The following LARGE2 variants were observed in gnomAD, a reference collection of about 807,000 sequenced individuals.
The protein encoded by LARGE2 is LARGE xylosyl- and glucuronyltransferase 2.
In LARGE2, 63 loss-of-function variants were observed where a neutral mutation model predicts 75.3. The observed-to-expected ratio is 0.84, with a 90% CI of 0.68 to 1.03. The LOEUF (loss-of-function observed/expected upper bound fraction) is 1.03. LARGE2 is among the 50% of genes least tolerant of loss of function. The probability of loss-of-function intolerance (pLI) is 0.00; values close to 1 mark genes in which losing one functional copy is unlikely to be tolerated. For missense variants in LARGE2, 925 were observed against 980.6 expected, an observed-to-expected ratio of 0.94 and a Z score of 0.76; for synonymous variants, 428 against 420.1, an observed-to-expected ratio of 1.02 and a Z score of -0.23.
At chr11:45,928,476 A>T in intron 13 of LARGE2, 104 bp downstream of exon 13, 1 of 1,530,916 alleles carries the variant, frequency 6.5e-7, no homozygotes, top group Admixed American at 1.9e-5. Flanking sequence ...CAACACTGTT[A>T]GAAATGTCCC....
rs911943492 is a variant in LARGE2 at position 45,923,424 on chromosome 11, C to A, written c.286-49C>A. 3.3e-6 allele frequency: 5 copies of A among 1,521,720 alleles called. No individual in the cohort carries two copies. In the South Asian group the frequency reaches 4.6e-5, roughly 14 times the overall value. 94.3% of individuals were successfully genotyped at this position (1,521,720 alleles called of 1,614,324 possible). A position where few individuals can be genotyped will look rare whatever the true frequency, so the allele number is the denominator to read the frequency against. ...GGGGCAGCTCAACATGGGTCCTCAC[C>A]GCCTAGCGGAGAAGGGGGGCTGCTG... On this transcript the variant is annotated intron_variant, in intron 2 of 13. Transcript: ENST00000401752.
At position 45,926,243 on chromosome 11, in the gene LARGE2, A is replaced by G. The variant is rs577315614; in HGVS notation, c.904A>G (p.Lys302Glu). ...ADQDIFNAVI[K>E]EHPGLVQRLP... ...TCAGGACATCTTCAACGCTGTGATC[A>G]AGGAGCACCCGGGGCTAGTGCAGCG... Residue 302 changes from lysine to glutamate, a missense_variant, in exon 8 of 14, where the codon AAG becomes GAG. Lys to Glu is a moderately conservative substitution (Grantham distance 56). Transcript: ENST00000401752. 1.2e-6 allele frequency: 2 copies of G among 1,614,168 alleles called. No homozygotes were observed. Among genetic ancestry groups the G allele is most frequent in the Admixed American group, 3.3e-5 (2 of 60,026 alleles).
rs749912976 is a variant in LARGE2, at chr11:45,926,791, G to A, written c.1245G>A (p.Val415=). 6.2e-7 allele frequency: 1 copy of A among 1,613,590 alleles called. No individual in the cohort carries two copies. The highest frequency in any genetic ancestry group is 8.5e-7 in the Non-Finnish European group (1 of 1,180,010). The change falls in exon 10 of 14, where the codon GTG becomes GTA. Residue 415 remains valine, a synonymous_variant. Transcript: ENST00000401752. The part of the protein sequence containing the change: ...FRQQQLTVHR[V]HVTFLPHEPP... ...AGCAGCAGCTCACTGTGCACCGTGT[G>A]CATGTCACTTTCCTGCCCCATGAAC...
rs1348739446 is a variant in LARGE2 at position 45,928,345 on chromosome 11, G to A, written c.1923G>A (p.Val641=). Residue 641 remains valine, a synonymous_variant, in exon 13 of 14, where the codon GTG becomes GTA. Transcript: ENST00000401752. ...TTGTGGGCTTCGGCTGGAACAAAGT[G>A]GCCCACATTGTGGAGCTGGATGCCC... is the stretch of plus-strand genomic sequence containing the variant. ...PRFVGFGWNK[V]AHIVELDAQE... The A allele has an allele frequency of 4.3e-6, 7 of 1,613,998 alleles. No individual in the cohort carries two copies. The highest frequency in any genetic ancestry group is 1.7e-5 in the Admixed American group (1 of 60,018).
At chr11:45,924,920 G>T in intron 6 of LARGE2, 31 bp downstream of exon 6, 1 of 1,379,392 alleles carries the variant, frequency 7.2e-7, no homozygotes, top group South Asian at 1.5e-5. Flanking sequence ...AGGCAGGCGG[G>T]GTGGTCTGCT....
rs1003946628 is a variant in LARGE2, at chr11:45,923,000, G to A, written c.118G>A (p.Gly40Arg). The A allele has an allele frequency of 4.5e-6, 6 of 1,347,568 alleles. No homozygotes were observed. In the East Asian group the frequency reaches 9.3e-5, roughly 21 times the overall value. The allele number at this position is 1,347,568 out of a possible 1,614,324, so 83.5% of individuals were successfully genotyped here. The change falls in exon 2 of 14, where the codon GGG (glycine) becomes AGG (arginine). Residue 40 changes from glycine to arginine, a missense_variant. Physicochemically the swap from Gly to Arg is moderately radical, Grantham distance 125 (BLOSUM62 -2). Coordinates refer to ENST00000401752, the MANE Select transcript of LARGE2 (RefSeq NM_001300721.2). ...GGGGTGTGAGCGCCGCGAGCCTGGCGGGCGAGCGGGGGCCCCGGGATGCTT... is the reference window on the plus strand; with the variant it reads ...GGGGTGTGAGCGCCGCGAGCCTGGCAGGCGAGCGGGGGCCCCGGGATGCTT... ...DLGCERREPG[G>R]RAGAPGCFPG...
At chr11:45,924,451 C>A in intron 4 of LARGE2, 55 bp from the exon 5 acceptor site, 1 of 1,591,522 alleles carries the variant, frequency 6.3e-7, no homozygotes, top group Non-Finnish European at 8.6e-7. Flanking sequence ...AGCATGTGTT[C>A]TGGTGCTCAT....
intron 10 of LARGE2, among the ~76,000 whole-genome samples, 162 bp from the exon 11 acceptor site, chr11:45,927,153 T>C (rs2087189018): frequency 6.6e-6 from 1 of 151,630 alleles, no homozygotes. Context: ...CTGGTGGGGG[T>C]AGTTGTGAAG....
intron 10 of LARGE2, 136 bp downstream of exon 10, chr11:45,927,007 A>G: frequency 2.0e-6 from 2 of 989,330 alleles, no homozygotes; most frequent in Non-Finnish European, 2.9e-6. Context: ...AGTTGGAGAC[A>G]TTGGATATGG....
In LARGE2 at chr11:45,924,661, CTT is replaced by C; in HGVS notation, c.650_651del (p.Phe217CysfsTer5). On this transcript the variant is annotated frameshift_variant, in exon 5 of 14. Coordinates refer to ENST00000401752, the MANE Select transcript of LARGE2 (RefSeq NM_001300721.2). LOFTEE classifies it high-confidence loss of function. ...ASDISELWAL[F>X]AHFSDTQAIG... is the part of the protein sequence containing the mutation. ...CTGACATCTCGGAGCTCTGGGCCCT[CTT>C]TGCTCACTTTTCTGGTGAGAGGCCT... 1 of 1,612,568 alleles carries C rather than the reference CTT, an allele frequency of 6.2e-7. No homozygotes were observed.
chr11:45,927,944 G>T lies in LARGE2; in HGVS notation c.1629G>T (p.Leu543=), dbSNP rs771205779. Residue 543 remains leucine (L), a synonymous_variant, in exon 12 of 14, where the codon CTG becomes CTT. Coordinates refer to ENST00000401752, the MANE Select transcript of LARGE2 (RefSeq NM_001300721.2). ...YLRASIEQLG[L]GSRRKAALVV... ...GGGCCTCCATTGAGCAGCTGGGGCT[G>T]GGCAGCCGGCGCAAGGCAGCACTGG... 6.2e-7 allele frequency: 1 copy of T among 1,613,478 alleles called. No individual in the cohort carries two copies.
chr11:45,922,026 T>C (rs1273029206), upstream of LARGE2, among the ~76,000 whole-genome samples: 31 of 152,000 alleles, frequency 2.0e-4, no homozygotes, highest in Admixed American at 1.9e-3. Flanking sequence ...CACGACGATC[T>C]GGACAAGAGT....
At chr11:45,923,283 C>G in intron 2 of LARGE2, 116 bp downstream of exon 2, 1 of 1,217,674 alleles carries the variant, frequency 8.2e-7, no homozygotes, top group Non-Finnish European at 1.1e-6. Flanking sequence ...GGCCAGCCGG[C>G]TGGGGCGCAC....
intron 5 of LARGE2, 34 bp from the exon 6 acceptor site, chr11:45,924,751 C>T: frequency 2.0e-6 from 3 of 1,522,720 alleles, no homozygotes; most frequent in Non-Finnish European, 2.7e-6. Context: ...CCTGTGGCAG[C>T]TTCAGACAGC....
Position 45,926,520 on chromosome 11 carries a change from T to C in LARGE2, c.1087T>C (p.Phe363Leu). Residue 363 changes from phenylalanine (F) to leucine (L), a missense_variant, in exon 9 of 14, where the codon TTC becomes CTC. By Grantham distance (22) the Phe-to-Leu change is conservative (BLOSUM62 0). Coordinates refer to ENST00000401752, the MANE Select transcript of LARGE2 (RefSeq NM_001300721.2). ...ATTCTTCCGCAATTTCTACCTGACC[T>C]TCCTGGAGTACGATGGGAACCTGCT... ...VEFFRNFYLT[F>L]LEYDGNLLRR... The C allele has an allele frequency of 6.2e-7, 1 of 1,614,178 alleles. No homozygotes were observed. The highest frequency in any genetic ancestry group is 8.5e-7 in the Non-Finnish European group (1 of 1,180,034).
intron 3 of LARGE2, 74 bp from the exon 4 acceptor site, chr11:45,924,080 G>A (rs905614065): frequency 1.3e-6 from 2 of 1,519,746 alleles, no homozygotes; most frequent in Admixed American, 1.9e-5. Context: ...CCATCTCTGC[G>A]CCCCTCGGGG....
intron 10 of LARGE2, 117 bp from the exon 11 acceptor site, chr11:45,927,198 G>T: frequency 1.8e-6 from 2 of 1,141,996 alleles, no homozygotes; most frequent in South Asian, 3.0e-5. Context: ...TATTTGAAGG[G>T]TGCTCAGTAA....
At chr11:45,925,975 G>GAC (rs2087123882) in intron 6 of LARGE2, 64 bp from the exon 7 acceptor site, 2 of 1,400,742 alleles carry the variant, frequency 1.4e-6, no homozygotes, top group African/African-American at 2.9e-5. Context: ...ACACCTTCAT[G>GAC]ACCCCCATGT....
At position 45,926,868 on chromosome 11, in the gene LARGE2, A is replaced by C. The variant is rs746011556; in HGVS notation, c.1322A>C (p.Asp441Ala). The C allele has an allele frequency of 1.2e-6, 2 of 1,609,664 alleles. No individual in the cohort carries two copies. Among genetic ancestry groups the C allele is most frequent in the African/African-American group, 2.7e-5 (2 of 74,862 alleles). The change falls in exon 10 of 14, where the codon GAC becomes GCC. Residue 441 changes from aspartate to alanine, a missense_variant. Physicochemically the swap from Asp to Ala is moderately radical, Grantham distance 126. Around this residue, in one of 3 missense-constraint regions of LARGE2, gnomAD observed 469 missense variants for 503.8 expected, o/e 0.93. Coordinates refer to ENST00000401752, the MANE Select transcript of LARGE2 (RefSeq NM_001300721.2). ...ACCCTTGTGGCCCAGCTGTCCATGGACCGGTGAGGGTGCAGAGGGCAGCCC... is the reference window on the plus strand; with the variant it reads ...ACCCTTGTGGCCCAGCTGTCCATGGCCCGGTGAGGGTGCAGAGGGCAGCCC... ...DVTLVAQLSM[D>A]RLQMLEALCR...
Sources: gnomAD v4.1 joint callset for allele counts (sites outside exome capture counted in the v4.1 genomes callset) on GRCh38, gnomAD v4.1.1 for gene constraint, gnomAD v4.1.1 regional missense constraint, MANE v1.5 for transcripts, NCBI Gene and HGNC (gene_info 2026-07-23, HGNC 2026-07-21) for gene names.